The following DLGAP1 variants were observed in gnomAD, a reference collection of about 807,000 sequenced individuals.
DLGAP1 encodes DLG associated protein 1.
A neutral mutation model predicts 90.8 loss-of-function variants in DLGAP1; 11 were observed. The observed-to-expected ratio is 0.12, with a 90% confidence interval of 0.08 to 0.20. DLGAP1 has a LOEUF of 0.20. Ranked by LOEUF, DLGAP1 falls within the 10% of genes least tolerant of loss-of-function variation. The pLI, the probability that DLGAP1 is intolerant of heterozygous loss-of-function variation, is 1.00. For synonymous variants in DLGAP1, 558 were observed against 540.7 expected (o/e 1.03, Z -0.44); for missense variants, 1,050 against 1,333.8 (o/e 0.79, Z 3.31).
At chr18:4,337,007 C>T (rs572964074) in intron 1 of DLGAP1, among the ~76,000 whole-genome samples, 11 of 149,286 alleles carry the variant, frequency 7.4e-5, no homozygotes, top group South Asian at 2.2e-4. Context: ...CCAGCTACTC[C>T]GGAGGCTGAG....
intron 1 of DLGAP1, among the ~76,000 whole-genome samples, chr18:4,449,750 C>T (rs1307189093): frequency 1.3e-5 from 2 of 152,150 alleles, no homozygotes; most frequent in Non-Finnish European, 2.9e-5. Flanking sequence ...GAATAAAGTG[C>T]TAAAACAGCA....
In DLGAP1 at chr18:4,222,668, T is replaced by TA. The variant is rs1019427929; in HGVS notation, c.-266-71382dup. Among the ~76,000 whole-genome samples the TA allele has an allele frequency of 6.0e-5, 9 of 151,146 alleles. No individual in the cohort carries two copies. In the East Asian group the frequency reaches 7.8e-4, roughly 13 times the overall value. ...GAATTAAGGACTTTTTAATATAAAT[T>TA]AAAAAAAATGAAGAGTTTGTTTTGC... On this transcript the variant is annotated intron_variant, in intron 1 of 12. Transcript: ENST00000315677.
chr18:3,628,195 T>C (rs2146135015), intron 7 of DLGAP1, among the ~76,000 whole-genome samples: 1 of 149,206 alleles, frequency 6.7e-6, no homozygotes, highest in East Asian at 2.0e-4. Context: ...ATTCTTTTTT[T>C]TTTTTTTTTT....
chr18:3,640,351 G>A (rs1208141163), intron 7 of DLGAP1, among the ~76,000 whole-genome samples: 1 of 152,168 alleles, frequency 6.6e-6, no homozygotes, highest in Non-Finnish European at 1.5e-5. Context: ...AGCAAAGCCA[G>A]AATTGTTTCC....
intron 2 of DLGAP1, among the ~76,000 whole-genome samples, chr18:4,046,224 T>C (rs2149159771): frequency 6.6e-6 from 1 of 152,338 alleles, no homozygotes; most frequent in East Asian, 1.9e-4. Flanking sequence ...TATGGTTGGT[T>C]GTACACTTGT....
At chr18:3,827,026 G>A (rs1190912792) in intron 4 of DLGAP1, among the ~76,000 whole-genome samples, 6 of 152,174 alleles carry the variant, frequency 3.9e-5, no homozygotes, top group African/African-American at 1.4e-4. Context: ...CATTAGCTGA[G>A]ATGACAAGGC....
chr18:4,001,423 A>G (rs1029513991), intron 3 of DLGAP1, among the ~76,000 whole-genome samples: 2 of 151,944 alleles, frequency 1.3e-5, no homozygotes, highest in African/African-American at 4.8e-5. Context: ...GTCTGCGGAG[A>G]CATTACATTC....
chr18:3,974,051 T>C (rs2073515280), intron 3 of DLGAP1, among the ~76,000 whole-genome samples: 1 of 152,074 alleles, frequency 6.6e-6, no homozygotes, highest in Non-Finnish European at 1.5e-5. Flanking sequence ...TATCTAAACA[T>C]AGAAAAGGCA....
chr18:3,636,883 C>A (rs2058737867), intron 7 of DLGAP1, among the ~76,000 whole-genome samples: 1 of 148,896 alleles, frequency 6.7e-6, no homozygotes, highest in Non-Finnish European at 1.5e-5. Flanking sequence ...CACCACCACA[C>A]CTGGCTAATT....
chr18:4,140,248 A>T (rs2076474126), intron 2 of DLGAP1, among the ~76,000 whole-genome samples: 1 of 151,082 alleles, frequency 6.6e-6, no homozygotes, highest in Non-Finnish European at 1.5e-5. Flanking sequence ...TTTATTTTTT[A>T]ATTTCTTGCT....
intron 4 of DLGAP1, among the ~76,000 whole-genome samples, chr18:3,868,963 C>T (rs531435768): frequency 3.3e-5 from 5 of 152,280 alleles, no homozygotes; most frequent in African/African-American, 1.2e-4. Context: ...GGAGGAAACA[C>T]TCCACAGAGA....
At chr18:4,204,999 CT>C (rs1485717070) in intron 1 of DLGAP1, among the ~76,000 whole-genome samples, 1 of 151,846 alleles carries the variant, frequency 6.6e-6, no homozygotes, top group Non-Finnish European at 1.5e-5. Flanking sequence ...TGCTTTCTAA[CT>C]GATTGCTTAA....
intron 5 of DLGAP1, among the ~76,000 whole-genome samples, chr18:3,783,990 T>A (rs2065326123): frequency 6.6e-6 from 1 of 152,172 alleles, no homozygotes; most frequent in African/African-American, 2.4e-5. Flanking sequence ...TGCTTTTTGC[T>A]CCTGGCCCCT....
chr18:3,741,260 A>G (rs2063006319), intron 6 of DLGAP1, among the ~76,000 whole-genome samples: 1 of 86,702 alleles, frequency 1.2e-5, no homozygotes, highest in Non-Finnish European at 2.2e-5. Flanking sequence ...CACCACCACA[A>G]TCACCACCAC....
chr18:3,556,347 T>C (rs1405028545), intron 9 of DLGAP1, among the ~76,000 whole-genome samples: 1 of 152,200 alleles, frequency 6.6e-6, no homozygotes, highest in Non-Finnish European at 1.5e-5. Context: ...CTTGGTGTTG[T>C]ACATTCTCGT....
At chr18:4,064,822 C>A (rs2075349152) in intron 2 of DLGAP1, among the ~76,000 whole-genome samples, 1 of 151,452 alleles carries the variant, frequency 6.6e-6, no homozygotes. Context: ...AAGGAGGGAT[C>A]CTCCCTGAAG....
intron 7 of DLGAP1, among the ~76,000 whole-genome samples, chr18:3,632,777 A>G (rs755899065): frequency 1.3e-5 from 2 of 152,130 alleles, no homozygotes; most frequent in Non-Finnish European, 2.9e-5. Flanking sequence ...GTAGAGGATT[A>G]TCATTTGAAA....
At chr18:3,575,636 C>T (rs368156492) in intron 8 of DLGAP1, among the ~76,000 whole-genome samples, 18 of 152,198 alleles carry the variant, frequency 1.2e-4, no homozygotes, top group African/African-American at 2.9e-4. Context: ...CTGTACTGTA[C>T]GAACTCTTTA....
At chr18:4,307,774 G>A (rs1171816312) in intron 1 of DLGAP1, among the ~76,000 whole-genome samples, 1 of 147,406 alleles carries the variant, frequency 6.8e-6, no homozygotes, top group Non-Finnish European at 1.5e-5. Context: ...GGAGTGCAGT[G>A]GCATGATCTC....
Sources: gnomAD v4.1 joint callset for allele counts (sites outside exome capture counted in the v4.1 genomes callset) on GRCh38, gnomAD v4.1.1 for gene constraint, MANE v1.5 for transcripts, NCBI Gene and HGNC (gene_info 2026-07-23, HGNC 2026-07-21) for gene names.